TDRD3: variants seen among roughly 807,000 people sequenced by gnomAD.
The protein encoded by TDRD3 is tudor domain-containing protein 3.
A neutral mutation model predicts 86.7 loss-of-function variants in TDRD3; 45 were observed. That is an observed-to-expected ratio of 0.52 (90% confidence interval 0.41 to 0.67). The LOEUF is 0.67. Ranked by LOEUF, TDRD3 falls within the 30% of genes least tolerant of loss-of-function variation. The pLI, the probability that TDRD3 is intolerant of heterozygous loss-of-function variation, is 0.00. For missense variants in TDRD3, 814 were observed against 889.0 expected (o/e 0.92, Z 1.07); for synonymous variants, 298 against 301.7 (o/e 0.99, Z 0.13).
At chr13:60,507,359 A>G (rs1031366505) in intron 8 of TDRD3, among the ~76,000 whole-genome samples, 17 of 152,334 alleles carry the variant, frequency 1.1e-4, no homozygotes, top group African/African-American at 1.7e-4. Context: ...ATAGACATCT[A>G]CAGAACTCTC....
intron 8 of TDRD3, among the ~76,000 whole-genome samples, chr13:60,509,326 TG>T (rs1957005646): frequency 2.0e-5 from 3 of 151,994 alleles, no homozygotes; most frequent in Admixed American, 6.6e-5. Context: ...AAAAAGCTCC[TG>T]GGGGGTATCA....
intron 5 of TDRD3, among the ~76,000 whole-genome samples, chr13:60,473,045 G>A (rs1956105156): frequency 6.6e-6 from 1 of 152,106 alleles, no homozygotes; most frequent in Non-Finnish European, 1.5e-5. Context: ...GAATACCACA[G>A]ACTGGGTAAT....
chr13:60,456,088 A>AAT (rs1955663445), intron 3 of TDRD3, among the ~76,000 whole-genome samples: 1 of 151,220 alleles, frequency 6.6e-6, no homozygotes. Flanking sequence ...AAAAAAAAAA[A>AAT]GATTAATGGC....
chr13:60,472,533 A>G lies in TDRD3; in HGVS notation c.495+5154A>G, dbSNP rs144303389. Among the ~76,000 whole-genome samples the G allele has an allele frequency of 3.3e-5, 5 of 152,350 alleles. No individual in the cohort carries two copies. In the East Asian group the frequency reaches 9.6e-4, roughly 29 times the overall value. The stretch of plus-strand genomic sequence containing the variant: ...ATAGCAGGTGTTGGCGAAGATGTGG[A>G]AAAATTGGAACTAAGCCTTGTGAAC... On this transcript the variant is annotated intron_variant, in intron 5 of 13. Transcript: ENST00000377881.
chr13:60,506,415 G>A (rs1003352434), intron 8 of TDRD3, among the ~76,000 whole-genome samples: 9 of 152,118 alleles, frequency 5.9e-5, no homozygotes, highest in Non-Finnish European at 1.0e-4. Context: ...AGGAGCAACC[G>A]GTACTAACCA....
chr13:60,530,383 T>C (rs1409142209), intron 11 of TDRD3, among the ~76,000 whole-genome samples: 2 of 151,866 alleles, frequency 1.3e-5, no homozygotes, highest in African/African-American at 4.8e-5. Flanking sequence ...TGTAAGGGAG[T>C]TACAGAGCGA....
intron 1 of TDRD3, among the ~76,000 whole-genome samples, chr13:60,405,075 A>C (rs1954202241): frequency 6.6e-6 from 1 of 152,314 alleles, no homozygotes; most frequent in African/African-American, 2.4e-5. Flanking sequence ...GGAACTGTTA[A>C]GTCCAATAAA....
intron 5 of TDRD3, 90 bp from the exon 6 acceptor site, chr13:60,483,685 C>T: frequency 8.6e-7 from 1 of 1,168,910 alleles, no homozygotes; most frequent in African/African-American, 1.6e-5. Context: ...TAAGAATCTA[C>T]TCAAATAGGT....
chr13:60,398,397 G>A (rs1954001947), intron 1 of TDRD3, among the ~76,000 whole-genome samples: 1 of 152,192 alleles, frequency 6.6e-6, no homozygotes, highest in Admixed American at 6.5e-5. Context: ...TCCTAAAGTG[G>A]ACTTGGAAAG....
chr13:60,481,304 T>C (rs1436754404), intron 5 of TDRD3, among the ~76,000 whole-genome samples: 1 of 152,036 alleles, frequency 6.6e-6, no homozygotes, highest in East Asian at 1.9e-4. Flanking sequence ...AAAATGTGAT[T>C]TGGCCATTAT....
intron 8 of TDRD3, among the ~76,000 whole-genome samples, chr13:60,508,284 G>C (rs897548533): frequency 6.6e-6 from 1 of 152,052 alleles, no homozygotes; most frequent in Non-Finnish European, 1.5e-5. Flanking sequence ...ATTTCAGATG[G>C]GACCAAAAAG....
At chr13:60,402,319 G>A (rs1954122354) in intron 1 of TDRD3, among the ~76,000 whole-genome samples, 1 of 152,164 alleles carries the variant, frequency 6.6e-6, no homozygotes, top group Non-Finnish European at 1.5e-5. Flanking sequence ...AGCAGCATCA[G>A]TACAACCTCT....
At chr13:60,492,763 TTTTGA>T (rs1956614971) in intron 7 of TDRD3, among the ~76,000 whole-genome samples, 1 of 152,192 alleles carries the variant, frequency 6.6e-6, no homozygotes, top group African/African-American at 2.4e-5. Flanking sequence ...GTGGTTTTAA[TTTTGA>T]TTTGAGTTAA....
At chr13:60,572,385 T>C (rs1181403895) in intron 13 of TDRD3, among the ~76,000 whole-genome samples, 1 of 152,182 alleles carries the variant, frequency 6.6e-6, no homozygotes, top group Non-Finnish European at 1.5e-5. Flanking sequence ...AAGAGAGTGA[T>C]ATGATCAAAA....
intron 9 of TDRD3, among the ~76,000 whole-genome samples, chr13:60,510,196 T>C (rs1229255847): frequency 6.6e-6 from 1 of 152,146 alleles, no homozygotes; most frequent in African/African-American, 2.4e-5. Context: ...ATAGAGAAAA[T>C]ATGTGACTGG....
At chr13:60,428,225 G>A (rs1954859375) in intron 1 of TDRD3, among the ~76,000 whole-genome samples, 1 of 148,980 alleles carries the variant, frequency 6.7e-6, no homozygotes, top group Non-Finnish European at 1.5e-5. Context: ...GGACCTGCCT[G>A]GATTATCTAG....
chr13:60,567,710 T>A, intron 13 of TDRD3, 60 bp downstream of exon 13: 9 of 1,589,310 alleles, frequency 5.7e-6, no homozygotes, highest in Non-Finnish European at 7.7e-6. Flanking sequence ...ATGTTAAGCA[T>A]ATAAGTCCAA....
chr13:60,470,478 C>T (rs1486551672), intron 5 of TDRD3, among the ~76,000 whole-genome samples: 1 of 151,992 alleles, frequency 6.6e-6, no homozygotes, highest in Admixed American at 6.6e-5. Flanking sequence ...TCATTTCCAC[C>T]AGGATATTAC....
At chr13:60,420,541 G>C (rs71434916) in intron 1 of TDRD3, among the ~76,000 whole-genome samples, 4 of 152,116 alleles carry the variant, frequency 2.6e-5, no homozygotes, top group Non-Finnish European at 5.9e-5. Flanking sequence ...TGTGGAGTGG[G>C]AAAGAAGCAT....
Sources: allele counts gnomAD v4.1 joint callset (sites outside exome capture counted in the v4.1 genomes callset), GRCh38; gene constraint gnomAD v4.1.1; transcripts MANE v1.5; gene names NCBI Gene and HGNC (gene_info 2026-07-23, HGNC 2026-07-21).